Variants in PPP2R5C observed in about 807,000 individuals in gnomAD.
PPP2R5C encodes protein phosphatase 2 regulatory subunit B'gamma.
A neutral mutation model predicts 68.9 loss-of-function variants in PPP2R5C; 7 were observed. The observed-to-expected ratio is 0.10, with a 90% confidence interval of 0.06 to 0.19. The LOEUF (loss-of-function observed/expected upper bound fraction) is 0.19, where lower values mean the gene tolerates loss of function less well. Among genes scored for constraint, PPP2R5C ranks in the 10% least tolerant of loss-of-function variants. The pLI, the probability that PPP2R5C is intolerant of heterozygous loss-of-function variation, is 1.00. For synonymous variants in PPP2R5C, 210 were observed against 222.2 expected, an observed-to-expected ratio of 0.95 and a Z score of 0.49; for missense variants, 348 against 641.3, an observed-to-expected ratio of 0.54 and a Z score of 4.94.
chr14:101,869,064 C>G (rs533027338), intron 2 of PPP2R5C, among the ~76,000 whole-genome samples: 76 of 152,320 alleles, frequency 5.0e-4, no homozygotes, highest in Non-Finnish European at 8.2e-4. Flanking sequence ...TCTTCAGCCT[C>G]CAGAAACATG....
At chr14:101,903,134 G>A (rs1595516156) in intron 9 of PPP2R5C, among the ~76,000 whole-genome samples, 1 of 151,148 alleles carries the variant, frequency 6.6e-6, no homozygotes, top group African/African-American at 2.4e-5. Context: ...AGAGACCAGC[G>A]CCACGGAGCC....
exon 14 of PPP2R5C, chr14:101,927,930 T>C (rs1007469008): frequency 3.9e-5 from 6 of 152,232 alleles, no homozygotes; most frequent in African/African-American, 1.2e-4. Flanking sequence ...TCAAAAACTC[T>C]AAAAAACGGT....
intron 2 of PPP2R5C, chr14:101,765,415 C>G: frequency 1.6e-6 from 1 of 606,222 alleles, no homozygotes; most frequent in East Asian, 2.7e-5. Context: ...ACTTCTAGTT[C>G]CACCCACTTA....
intron 11 of PPP2R5C, among the ~76,000 whole-genome samples, chr14:101,911,034 C>T (rs1219761542): frequency 6.6e-6 from 1 of 150,600 alleles, no homozygotes; most frequent in East Asian, 2.0e-4. Flanking sequence ...ACCTGGGAGG[C>T]GGAGCTTGCA....
Position 101,883,568 on chromosome 14 carries a change from T to G in PPP2R5C, c.629+6T>G. On this transcript the variant is annotated splice_donor_region_variant and intron_variant, in intron 5 of 13. Transcript: ENST00000334743. ...ATAAATAATATATTTTATAGGTAAG[T>G]CACGTGTGGATGGCGTTGTCCTTGT... 2 of 1,612,188 alleles carry G rather than the reference T, an allele frequency of 1.2e-6. No homozygotes were observed. Among genetic ancestry groups the G allele is most frequent in the South Asian group, 1.1e-5 (1 of 90,886 alleles).
chr14:101,922,824 A>C (rs58186728), intron 13 of PPP2R5C, among the ~76,000 whole-genome samples: 1 of 150,976 alleles, frequency 6.6e-6, no homozygotes, highest in African/African-American at 2.4e-5. Flanking sequence ...TAATAAAAAT[A>C]AAAAAAAAAT....
intron 3 of PPP2R5C, among the ~76,000 whole-genome samples, chr14:101,787,399 G>C (rs2038144024): frequency 6.6e-6 from 1 of 150,530 alleles, no homozygotes; most frequent in African/African-American, 2.4e-5. Flanking sequence ...GTGGATGGTG[G>C]ATTTATGGGT....
In PPP2R5C at chr14:101,835,440, C is replaced by T. The variant is rs1432492143; in HGVS notation, c.95-21246C>T. 6.6e-6 allele frequency among the ~76,000 whole-genome samples: 1 copy of T among 152,176 alleles called. No homozygotes were observed. On this transcript the variant is annotated intron_variant, in intron 1 of 13. Transcript: ENST00000334743. The surrounding 1 kb of genome is among the most constrained non-coding windows in gnomAD (Gnocchi z 5.0). The stretch of plus-strand genomic sequence containing the variant: ...ATGATTCAGGTATTTGGTTGGTGAT[C>T]ATGTTATCAAGTCAGACTTGCAGTT...
At chr14:101,870,805 G>C (rs2043359828) in intron 2 of PPP2R5C, among the ~76,000 whole-genome samples, 1 of 152,162 alleles carries the variant, frequency 6.6e-6, no homozygotes, top group African/African-American at 2.4e-5. Flanking sequence ...TTCTTGTTTT[G>C]TAGTTGTCAG....
At chr14:101,776,485 C>T (rs1218928422) in intron 2 of PPP2R5C, among the ~76,000 whole-genome samples, 5 of 152,164 alleles carry the variant, frequency 3.3e-5, no homozygotes, top group African/African-American at 4.8e-5. Flanking sequence ...TTGTTTCTCA[C>T]TTCCTATTCA....
At chr14:101,816,887 A>ATG (rs1654883034) in intron 1 of PPP2R5C, among the ~76,000 whole-genome samples, 1 of 130,638 alleles carries the variant, frequency 7.7e-6, no homozygotes, top group Non-Finnish European at 1.6e-5. Flanking sequence ...TATATTATAT[A>ATG]TATATTATAT....
At chr14:101,793,711 C>T (rs925546964) in intron 3 of PPP2R5C, among the ~76,000 whole-genome samples, 2 of 152,194 alleles carry the variant, frequency 1.3e-5, no homozygotes, top group South Asian at 4.1e-4. Context: ...ACCTTTTACA[C>T]CCATACTCAT....
intron 2 of PPP2R5C, among the ~76,000 whole-genome samples, chr14:101,767,326 A>G (rs903295699): frequency 1.3e-5 from 2 of 152,264 alleles, no homozygotes; most frequent in African/African-American, 4.8e-5. Flanking sequence ...AATTTTAAAA[A>G]TATTTAATAA....
chr14:101,876,852 A>G (rs1595445371), intron 2 of PPP2R5C, among the ~76,000 whole-genome samples: 1 of 151,978 alleles, frequency 6.6e-6, no homozygotes, highest in East Asian at 1.9e-4. Flanking sequence ...GTTCGTGCAT[A>G]ATGTTTTCCC....
chr14:101,813,768 C>G (rs1311291931), intron 1 of PPP2R5C, among the ~76,000 whole-genome samples: 1 of 152,218 alleles, frequency 6.6e-6, no homozygotes, highest in Non-Finnish European at 1.5e-5. Flanking sequence ...TGAGTCTGTC[C>G]TTGAAAGACT....
chr14:101,816,881 TTA>T (rs112532945), intron 1 of PPP2R5C, among the ~76,000 whole-genome samples: 1,986 of 136,704 alleles, frequency 0.015, 40 homozygotes, highest in African/African-American at 0.045. Context: ...TATATATATA[TTA>T]TATATATATT....
intron 1 of PPP2R5C, among the ~76,000 whole-genome samples, chr14:101,832,559 T>G (rs1237578494): frequency 6.6e-6 from 1 of 152,156 alleles, no homozygotes; most frequent in East Asian, 1.9e-4. Flanking sequence ...CGACTCTGGG[T>G]TCCACCTGGG....
At chr14:101,829,649 C>T (rs2040614612) in intron 1 of PPP2R5C, among the ~76,000 whole-genome samples, 1 of 152,126 alleles carries the variant, frequency 6.6e-6, no homozygotes, top group Non-Finnish European at 1.5e-5. Context: ...TTCCTCTTAA[C>T]CTTGCCTCTG....
chr14:101,866,166 A>AT (rs1354822228), intron 2 of PPP2R5C, among the ~76,000 whole-genome samples: 1 of 152,210 alleles, frequency 6.6e-6, no homozygotes, highest in African/African-American at 2.4e-5. Flanking sequence ...GAGTACTGGG[A>AT]TAACTGGCGT....
Sources: allele counts gnomAD v4.1 joint callset (sites outside exome capture counted in the v4.1 genomes callset), GRCh38; gene constraint gnomAD v4.1.1; non-coding constraint Gnocchi (gnomAD v3.1); transcripts MANE v1.5; gene names NCBI Gene and HGNC (gene_info 2026-07-23, HGNC 2026-07-21).